ANO2: variants seen among roughly 807,000 people sequenced by gnomAD.
ANO2 encodes anoctamin-2.
Under a neutral mutation model 124.2 loss-of-function variants are expected in ANO2, and 101 were observed. The observed-to-expected ratio is 0.81, with a 90% CI of 0.69 to 0.96. The LOEUF is 0.96. Ranked by LOEUF, ANO2 falls within the 40% of genes least tolerant of loss-of-function variation. The pLI is 0.00. For missense variants in ANO2, 1,293 were observed against 1,274.5 expected (o/e 1.01, Z -0.22); for synonymous variants, 486 against 482.5 (o/e 1.01, Z -0.09).
chr12:5,856,312 C>G (rs1170798674), intron 3 of ANO2: 1 of 152,060 alleles, frequency 6.6e-6, no homozygotes, highest in South Asian at 2.1e-4. Flanking sequence ...TCTTTAGGGT[C>G]GTTGGCTCAA....
Position 5,615,265 on chromosome 12 carries a change from G to T in ANO2, c.1849C>A (p.Arg617Ser), listed in dbSNP as rs768041346. 2.5e-6 allele frequency: 4 copies of T among 1,613,414 alleles called. No individual in the cohort carries two copies. Among genetic ancestry groups the T allele is most frequent in the Non-Finnish European group, 3.4e-6 (4 of 1,179,698 alleles). The change falls in exon 17 of 25, where the codon CGC becomes AGC. Residue 617 changes from arginine (R) to serine (S), a missense_variant. Transcript: ENST00000682330. ...AGCAAGAAAGCTTTGAGGATCAGGCGCTCTTCAAAAGTCTGTTCTGTTTTC... is the reference window on the plus strand; with the variant it reads ...AGCAAGAAAGCTTTGAGGATCAGGCTCTCTTCAAAAGTCTGTTCTGTTTTC... ...VPKTEQTFEE[R>S]LILKAFLLKF...
intron 10 of ANO2, among the ~76,000 whole-genome samples, chr12:5,773,696 C>T (rs1239099697): frequency 6.6e-6 from 1 of 152,106 alleles, no homozygotes; most frequent in Non-Finnish European, 1.5e-5. Context: ...GAAACCAAAG[C>T]CCAGAAAGGT....
At chr12:5,878,465 A>G (rs1938258468) in intron 3 of ANO2, among the ~76,000 whole-genome samples, 1 of 152,234 alleles carries the variant, frequency 6.6e-6, no homozygotes, top group Admixed American at 6.5e-5. Context: ...TGCCTGGGTC[A>G]TAACAAGTAT....
At chr12:5,583,840 G>T in intron 20 of ANO2, 1 of 188,658 alleles carries the variant, frequency 5.3e-6, no homozygotes, top group East Asian at 1.6e-4. Flanking sequence ...CAGAGCCAGA[G>T]GGGAGTGCAG....
At chr12:5,607,338 C>T (rs749658955) in intron 19 of ANO2, among the ~76,000 whole-genome samples, 2 of 152,130 alleles carry the variant, frequency 1.3e-5, no homozygotes, top group African/African-American at 2.4e-5. Context: ...TTCTTTTTTC[C>T]TCCGATGTCC....
intron 14 of ANO2, among the ~76,000 whole-genome samples, chr12:5,704,121 A>C (rs1210371221): frequency 6.6e-6 from 1 of 152,178 alleles, no homozygotes; most frequent in Non-Finnish European, 1.5e-5. Flanking sequence ...AAAGAACAAA[A>C]AGATTGGGTG....
chr12:5,920,566 GA>G (rs1324753873), intron 3 of ANO2, among the ~76,000 whole-genome samples: 1 of 152,118 alleles, frequency 6.6e-6, no homozygotes, highest in African/African-American at 2.4e-5. Context: ...CCTTGGGCAA[GA>G]AAATCTGGTT....
intron 14 of ANO2, among the ~76,000 whole-genome samples, chr12:5,695,576 C>T (rs1001753242): frequency 6.6e-6 from 1 of 152,242 alleles, no homozygotes; most frequent in Non-Finnish European, 1.5e-5. Flanking sequence ...CCCAGTGGCT[C>T]ATGCCTGCAA....
intron 1 of ANO2, among the ~76,000 whole-genome samples, chr12:5,944,895 G>A (rs1367511355): frequency 6.6e-6 from 1 of 152,188 alleles, no homozygotes; most frequent in Non-Finnish European, 1.5e-5. Flanking sequence ...CATCACAGAG[G>A]TGGGGATTGG....
chr12:5,815,026 G>C (rs539763576), intron 7 of ANO2, among the ~76,000 whole-genome samples: 1 of 152,306 alleles, frequency 6.6e-6, no homozygotes, highest in Admixed American at 6.5e-5. Flanking sequence ...CATGCAAGGA[G>C]TCCTTATTAC....
intron 2 of ANO2, among the ~76,000 whole-genome samples, chr12:5,921,927 T>G (rs1941726599): frequency 6.6e-6 from 1 of 152,086 alleles, no homozygotes; most frequent in African/African-American, 2.4e-5. Flanking sequence ...ACACTATATA[T>G]TTAAACACAG....
intron 7 of ANO2, among the ~76,000 whole-genome samples, chr12:5,814,696 T>C (rs1398664281): frequency 1.3e-5 from 2 of 152,262 alleles, no homozygotes; most frequent in South Asian, 2.1e-4. Flanking sequence ...ACAACATGAA[T>C]GTCACATAGT....
At chr12:5,606,636 T>TG (rs894445142) in intron 19 of ANO2, among the ~76,000 whole-genome samples, 1 of 152,100 alleles carries the variant, frequency 6.6e-6, no homozygotes, top group Non-Finnish European at 1.5e-5. Context: ...GCATAGGTAA[T>TG]GGGGGGAAAT....
At position 5,694,251 on chromosome 12, in the gene ANO2, C is replaced by CAGAGAGAGAGAGAGAGAGAGAG. The variant is rs5796182; in HGVS notation, c.1545+38247_1545+38268dup. ...CCTTAGCAGAAGGGTTTACCAGAGA[C>CAGAGAGAGAGAGAGAGAGAGAG]AGAGAGAGAGAGAGAGAGAGAGAGA... On this transcript the variant is annotated intron_variant, in intron 14 of 24. Transcript: ENST00000682330. Among the ~76,000 whole-genome samples the CAGAGAGAGAGAGAGAGAGAGAG allele has an allele frequency of 7.5e-3, 1,008 of 133,830 alleles. 7 individuals are homozygous for CAGAGAGAGAGAGAGAGAGAGAG. Among genetic ancestry groups the CAGAGAGAGAGAGAGAGAGAGAG allele is most frequent in the Middle Eastern group, 0.019 (5 of 264 alleles). 87.8% of individuals were successfully genotyped at this position (133,830 alleles called of 152,430 possible). A position where few individuals can be genotyped will look rare whatever the true frequency, so the allele number is the denominator to read the frequency against.
At chr12:5,604,366 C>T (rs1173913822) in intron 19 of ANO2, among the ~76,000 whole-genome samples, 2 of 152,188 alleles carry the variant, frequency 1.3e-5, no homozygotes, top group Non-Finnish European at 2.9e-5. Flanking sequence ...GTCCAGTAGG[C>T]AACTGCATAT....
chr12:5,752,312 C>T (rs1468888353), intron 10 of ANO2, among the ~76,000 whole-genome samples: 1 of 152,178 alleles, frequency 6.6e-6, no homozygotes, highest in African/African-American at 2.4e-5. Context: ...TCCACAGTGA[C>T]CGCATTGCCA....
intron 16 of ANO2, among the ~76,000 whole-genome samples, chr12:5,618,520 C>G (rs906916355): frequency 6.6e-6 from 1 of 152,174 alleles, no homozygotes; most frequent in Non-Finnish European, 1.5e-5. Flanking sequence ...CAGCCTTGCT[C>G]AAGATCACAC....
intron 7 of ANO2, among the ~76,000 whole-genome samples, chr12:5,814,031 C>T (rs1953519783): frequency 6.6e-6 from 1 of 152,202 alleles, no homozygotes. Context: ...CTCTACGGTC[C>T]TCTATCTGAC....
chr12:5,928,459 C>A (rs1475329321), intron 1 of ANO2, among the ~76,000 whole-genome samples: 1 of 98,306 alleles, frequency 1.0e-5, no homozygotes, highest in Non-Finnish European at 2.4e-5. Flanking sequence ...CCGTAGTCTA[C>A]TTTCCTTCGT....
Sources: allele counts gnomAD v4.1 joint callset (sites outside exome capture counted in the v4.1 genomes callset), GRCh38; gene constraint gnomAD v4.1.1; transcripts MANE v1.5; gene names NCBI Gene and HGNC (gene_info 2026-07-23, HGNC 2026-07-21).